The following KCNMB2 variants were observed in gnomAD, a reference collection of about 807,000 sequenced individuals.
The protein encoded by KCNMB2 is calcium-activated potassium channel subunit beta-2.
Under a neutral mutation model 24.5 loss-of-function variants are expected in KCNMB2, and 9 were observed. The observed-to-expected ratio is 0.37, with a 90% CI of 0.22 to 0.64. The LOEUF (loss-of-function observed/expected upper bound fraction) is 0.64. Ranked by LOEUF, KCNMB2 falls within the 30% of genes least tolerant of loss-of-function variation. The pLI, the probability that KCNMB2 is intolerant of heterozygous loss-of-function variation, is 0.63. For synonymous variants in KCNMB2, 109 were observed against 104.4 expected (o/e 1.04, Z -0.27); for missense variants, 226 against 284.3 (o/e 0.79, Z 1.47).
intron 1 of KCNMB2, among the ~76,000 whole-genome samples, chr3:178,577,572 C>T (rs1423381405): frequency 7.2e-5 from 11 of 152,032 alleles, no homozygotes; most frequent in East Asian, 1.9e-4. Context: ...CAAACTCCTC[C>T]GAGCTAAAGG....
At chr3:178,778,156 G>C (rs1255856833) in intron 1 of KCNMB2, among the ~76,000 whole-genome samples, 14 of 152,110 alleles carry the variant, frequency 9.2e-5, no homozygotes, top group Non-Finnish European at 1.5e-5. Flanking sequence ...GGGAATTTGA[G>C]AGGAGTTTTA....
intron 1 of KCNMB2, among the ~76,000 whole-genome samples, chr3:178,561,785 G>A (rs1716326061): frequency 6.6e-6 from 1 of 152,158 alleles, no homozygotes; most frequent in South Asian, 2.1e-4. Context: ...TATGTGCAAG[G>A]TGAAGGAAGA....
intron 1 of KCNMB2, among the ~76,000 whole-genome samples, chr3:178,784,094 A>G (rs1445812017): frequency 6.6e-6 from 1 of 152,228 alleles, no homozygotes; most frequent in East Asian, 1.9e-4. Flanking sequence ...ATTGGCTGCT[A>G]TAGCCTATGG....
rs543160756 is a variant in KCNMB2 at position 178,754,267 on chromosome 3, C to T, written c.-67-53076C>T. Among the ~76,000 whole-genome samples the T allele has an allele frequency of 8.7e-5, 13 of 149,632 alleles. No homozygotes were observed. The East Asian group carries it at 2.6e-3, about 29-fold the overall frequency. ...GGACACAGATCAATTCCAGTCTTAGCTAGTGTAGTAATGCTTCAATGAACA... is the reference window on the plus strand; with the variant it reads ...GGACACAGATCAATTCCAGTCTTAGTTAGTGTAGTAATGCTTCAATGAACA... On this transcript the variant is annotated intron_variant, in intron 1 of 4. Transcript: ENST00000452583.
chr3:178,709,906 G>A lies in KCNMB2; in HGVS notation c.-67-97437G>A, dbSNP rs138663301. On this transcript the variant is annotated intron_variant, in intron 1 of 4. Transcript: ENST00000452583. ...TTTTACAGATAAAGCAGCTGAGATTGTATGGATAAGGTCCCTGTGCAAAAT... is the reference window on the plus strand; with the variant it reads ...TTTTACAGATAAAGCAGCTGAGATTATATGGATAAGGTCCCTGTGCAAAAT... 2.6e-4 allele frequency among the ~76,000 whole-genome samples: 40 copies of A among 152,252 alleles called. No individual in the cohort carries two copies. The East Asian group carries it at 6.9e-3, about 26-fold the overall frequency.
chr3:178,787,623 T>A (rs1416626934), intron 1 of KCNMB2, among the ~76,000 whole-genome samples: 1 of 152,116 alleles, frequency 6.6e-6, no homozygotes, highest in Admixed American at 6.6e-5. Context: ...TATTTTCTTG[T>A]CTTTTTCTCA....
At chr3:178,653,671 A>AT (rs1271663734) in intron 1 of KCNMB2, among the ~76,000 whole-genome samples, 1 of 151,972 alleles carries the variant, frequency 6.6e-6, no homozygotes, top group Admixed American at 6.6e-5. Context: ...TAATTAAATA[A>AT]TTTTTTCTCT....
rs73047889 is a variant in KCNMB2 at position 178,704,037 on chromosome 3, A to G, written c.-67-103306A>G. 1.7e-3 allele frequency among the ~76,000 whole-genome samples: 262 copies of G among 152,302 alleles called. 1 individual carries two copies. The highest frequency in any genetic ancestry group is 6.0e-3 in the African/African-American group (250 of 41,574). On this transcript the variant is annotated intron_variant, in intron 1 of 4. Transcript: ENST00000452583. ...CAATTGACATCAGAACTTGGAGAAA[A>G]GAATCATTTCACTTTATAATGCTGG... is the stretch of plus-strand genomic sequence containing the variant.
In KCNMB2 at chr3:178,614,627, G is replaced by T. The variant is rs576865564; in HGVS notation, c.-68+77916G>T. Among the ~76,000 whole-genome samples, 7 of 152,098 alleles carry T rather than the reference G, an allele frequency of 4.6e-5. No individual in the cohort carries two copies. The South Asian group carries it at 1.0e-3, about 23-fold the overall frequency. ...AGCTACAAGTCAAGGTGAGATTTGGGTGGGGACACAGCCAAACCATATCAC... is the reference window on the plus strand; with the variant it reads ...AGCTACAAGTCAAGGTGAGATTTGGTTGGGGACACAGCCAAACCATATCAC... On this transcript the variant is annotated intron_variant, in intron 1 of 4. Coordinates refer to ENST00000452583, the MANE Select transcript of KCNMB2 (RefSeq NM_181361.3).
intron 1 of KCNMB2, among the ~76,000 whole-genome samples, chr3:178,667,547 A>G (rs112468518): frequency 1.6e-3 from 245 of 152,216 alleles, no homozygotes; most frequent in Non-Finnish European, 3.0e-3. Context: ...CATTTCTTAT[A>G]AACTACTCAG....
chr3:178,769,407 G>C (rs1384958913), intron 1 of KCNMB2, among the ~76,000 whole-genome samples: 1 of 152,172 alleles, frequency 6.6e-6, no homozygotes, highest in South Asian at 2.1e-4. Context: ...TGGGGTAAGA[G>C]GGGGGTGTGA....
intron 1 of KCNMB2, among the ~76,000 whole-genome samples, chr3:178,702,840 C>T (rs78520246): frequency 0.14 from 21,290 of 152,158 alleles, 1,826 homozygotes; most frequent in Admixed American, 0.22. Context: ...GTCCCACTGC[C>T]TGATACAAAG....
chr3:178,771,050 C>G (rs1712329531), intron 1 of KCNMB2, among the ~76,000 whole-genome samples: 1 of 152,154 alleles, frequency 6.6e-6, no homozygotes, highest in Non-Finnish European at 1.5e-5. Flanking sequence ...AAAATAAATA[C>G]TCATTAAATT....
At chr3:178,710,627 TATGTGTGTGCGTGA>T (rs1248951660) in intron 1 of KCNMB2, among the ~76,000 whole-genome samples, 1 of 151,978 alleles carries the variant, frequency 6.6e-6, no homozygotes, top group Non-Finnish European at 1.5e-5. Context: ...CTCATATGTG[TATGTGTGTGCGTGA>T]GTGTGTGTGC....
intron 1 of KCNMB2, among the ~76,000 whole-genome samples, chr3:178,630,910 G>A (rs1170312595): frequency 6.6e-6 from 1 of 152,158 alleles, no homozygotes; most frequent in African/African-American, 2.4e-5. Flanking sequence ...AGCCTAATCA[G>A]CTTTAGTGTT....
Position 178,759,154 on chromosome 3 carries a change from C to CTCCAAGAGGGATATATATATATATA in KCNMB2, c.-67-48188_-67-48187insCCAAGAGGGATATATATATATATAT, listed in dbSNP as rs1560008658. Reference sequence around the variant, plus strand: ...CTCCAAGAGGGATATATATATATATCTATCTCCAAGAGGGATACATATATA... The same window carrying CTCCAAGAGGGATATATATATATATA: ...CTCCAAGAGGGATATATATATATATCTCCAAGAGGGATATATATATATATATATCTCCAAGAGGGATACATATATA... On this transcript the variant is annotated intron_variant, in intron 1 of 4. Coordinates refer to ENST00000452583, the MANE Select transcript of KCNMB2 (RefSeq NM_181361.3). Among the ~76,000 whole-genome samples, 15 of 32,282 alleles carry CTCCAAGAGGGATATATATATATATA rather than the reference C, an allele frequency of 4.6e-4. 6 individuals carry two copies. The highest frequency in any genetic ancestry group is 1.2e-3 in the African/African-American group (6 of 5,210). 21.2% of individuals were successfully genotyped at this position (32,282 alleles called of 152,430 possible).
chr3:178,807,436 C>T lies in KCNMB2; in HGVS notation c.27C>T (p.Thr9=), dbSNP rs1714016076. Reference sequence around the variant, plus strand: ...TGTTTATATGGACCAGTGGCCGGACCTCTTCATCTTATAGACATGATGAAA... The same window carrying T: ...TGTTTATATGGACCAGTGGCCGGACTTCTTCATCTTATAGACATGATGAAA... MFIWTSGR[T]SSSYRHDEKR... The change falls in exon 2 of 5, where the codon ACC becomes ACT. Residue 9 remains threonine (T), a synonymous_variant. Coordinates refer to ENST00000452583, the MANE Select transcript of KCNMB2 (RefSeq NM_181361.3). 6 of 1,613,832 alleles carry T rather than the reference C, an allele frequency of 3.7e-6. 1 individual carries two copies. The highest frequency in any genetic ancestry group is 3.3e-5 in the South Asian group (3 of 91,044).
chr3:178,684,489 T>C (rs140968950), intron 1 of KCNMB2, among the ~76,000 whole-genome samples: 1,933 of 151,102 alleles, frequency 0.013, 24 homozygotes, highest in Non-Finnish European at 0.02. Flanking sequence ...TTTAGCTGCA[T>C]TTGCCACAAA....
intron 1 of KCNMB2, among the ~76,000 whole-genome samples, chr3:178,557,208 G>A (rs926239035): frequency 3.3e-5 from 5 of 152,092 alleles, no homozygotes; most frequent in Non-Finnish European, 7.4e-5. Context: ...GTTTTCCCAG[G>A]TGATTCAAAT....
Sources: allele counts gnomAD v4.1 joint callset (sites outside exome capture counted in the v4.1 genomes callset), GRCh38; gene constraint gnomAD v4.1.1; transcripts MANE v1.5; gene names NCBI Gene and HGNC (gene_info 2026-07-23, HGNC 2026-07-21).